The following KPNA4 variants were observed in gnomAD, a reference collection of about 807,000 sequenced individuals.
KPNA4 encodes karyopherin subunit alpha 4, also known as importin subunit alpha-3.
In KPNA4, 13 loss-of-function variants were observed where a neutral mutation model predicts 71.3. The observed-to-expected ratio is 0.18, with a 90% CI of 0.12 to 0.29. The LOEUF is 0.29. Ranked by LOEUF, KPNA4 falls within the 10% of genes least tolerant of loss-of-function variation. KPNA4 has a pLI of 1.00. For synonymous variants in KPNA4, 189 were observed against 195.2 expected (o/e 0.97, Z 0.26); for missense variants, 334 against 603.2 (o/e 0.55, Z 4.67).
rs943080085 is a variant in KPNA4 at position 160,521,781 on chromosome 3, G to C, written c.901C>G (p.Gln301Glu). The C allele has an allele frequency of 1.9e-6, 3 of 1,610,878 alleles. No homozygotes were observed. Among genetic ancestry groups the C allele is most frequent in the African/African-American group, 2.7e-5 (2 of 74,752 alleles). ...AATTTAACTAAGAACAAACTTACCT[G>C]AACTTTAACTTCCTGGTGGCTGAGC... ...PLLSHQEVKV[Q>E]TAALRAVGNI... The change falls in exon 11 of 17, where the codon CAG (glutamine) becomes GAG (glutamate). Residue 301 changes from glutamine (Q) to glutamate (E), a missense_variant and splice_region_variant. Gln to Glu is a conservative substitution (Grantham distance 29). Coordinates refer to ENST00000334256, the MANE Select transcript of KPNA4 (RefSeq NM_002268.5).
chr3:160,550,226 G>T (rs1021435305), intron 1 of KPNA4, among the ~76,000 whole-genome samples: 1 of 152,094 alleles, frequency 6.6e-6, no homozygotes, highest in African/African-American at 2.4e-5. Flanking sequence ...CTCTAGCTAG[G>T]GCTTCTAGTA....
At chr3:160,560,874 T>C (rs1490701897) in intron 1 of KPNA4, among the ~76,000 whole-genome samples, 1 of 152,076 alleles carries the variant, frequency 6.6e-6, no homozygotes, top group Non-Finnish European at 1.5e-5. Context: ...AATTAGACAG[T>C]AGTTATTTTA....
At chr3:160,534,675 C>T (rs1248793458) in intron 5 of KPNA4, among the ~76,000 whole-genome samples, 1 of 143,182 alleles carries the variant, frequency 7.0e-6, no homozygotes, top group Non-Finnish European at 1.5e-5. Flanking sequence ...TGAGATTGCG[C>T]CACTGGACTC....
At chr3:160,521,317 G>A (rs1472521223) in intron 11 of KPNA4, among the ~76,000 whole-genome samples, 1 of 152,140 alleles carries the variant, frequency 6.6e-6, no homozygotes, top group African/African-American at 2.4e-5. Context: ...TCAGTAATCC[G>A]GCCAGGCATG....
chr3:160,546,962 G>A (rs1372068253), intron 1 of KPNA4, among the ~76,000 whole-genome samples: 1 of 152,176 alleles, frequency 6.6e-6, no homozygotes, highest in Non-Finnish European at 1.5e-5. Flanking sequence ...AAGCCACACT[G>A]CAAAGCGATT....
chr3:160,506,713 T>TA (rs1014849137), intron 15 of KPNA4, among the ~76,000 whole-genome samples: 2 of 152,158 alleles, frequency 1.3e-5, no homozygotes, highest in East Asian at 1.9e-4. Flanking sequence ...GTTTACAAGT[T>TA]AAAAAAATCA....
chr3:160,540,268 G>C (rs1234353293), intron 1 of KPNA4, among the ~76,000 whole-genome samples: 54 of 151,854 alleles, frequency 3.6e-4, no homozygotes, highest in Non-Finnish European at 4.4e-5. Flanking sequence ...CAAAGTGCTG[G>C]GATTACAAGC....
chr3:160,535,723 A>G (rs1406258163), intron 3 of KPNA4, 33 bp from the exon 4 acceptor site: 4 of 1,573,072 alleles, frequency 2.5e-6, no homozygotes, highest in Non-Finnish European at 3.4e-6. Context: ...AACTCAGTTA[A>G]AAAGTCACCT....
intron 10 of KPNA4, among the ~76,000 whole-genome samples, chr3:160,524,251 A>C (rs1721418827): frequency 6.6e-6 from 1 of 152,240 alleles, no homozygotes; most frequent in Admixed American, 6.5e-5. Flanking sequence ...AACACAATCT[A>C]TCTCTAAATA....
At chr3:160,564,877 G>A (rs984361345) in intron 1 of KPNA4, among the ~76,000 whole-genome samples, 1 of 149,074 alleles carries the variant, frequency 6.7e-6, no homozygotes, top group Non-Finnish European at 1.5e-5. Context: ...CCCGGCCGGG[G>A]CAGCACCGGC....
intron 11 of KPNA4, among the ~76,000 whole-genome samples, chr3:160,520,944 T>C (rs1032703481): frequency 2.2e-4 from 33 of 152,218 alleles, no homozygotes; most frequent in Admixed American, 1.8e-3. Context: ...CTTATATCTC[T>C]GAGAACTTCT....
rs138895217 is a variant in KPNA4 at position 160,560,075 on chromosome 3, C to G, written c.69+5139G>C. Among the ~76,000 whole-genome samples the G allele has an allele frequency of 1.2e-3, 187 of 152,142 alleles. 1 individual carries two copies. The highest frequency in any genetic ancestry group is 3.7e-3 in the Admixed American group (56 of 15,286). ...AAAACCCTCTGAGAAAAAAAGAAAA[C>G]ATTTACTGAATACCTATTATACCCC... On this transcript the variant is annotated intron_variant, in intron 1 of 16. Coordinates refer to ENST00000334256, the MANE Select transcript of KPNA4 (RefSeq NM_002268.5).
At chr3:160,532,617 C>A (rs952609384) in intron 5 of KPNA4, among the ~76,000 whole-genome samples, 1 of 152,200 alleles carries the variant, frequency 6.6e-6, no homozygotes, top group Non-Finnish European at 1.5e-5. Flanking sequence ...CTGATAAGTC[C>A]TCAGTGTGGC....
chr3:160,516,180 T>C (rs1406137934), intron 11 of KPNA4, among the ~76,000 whole-genome samples: 1 of 150,960 alleles, frequency 6.6e-6, no homozygotes, highest in Non-Finnish European at 1.5e-5. Context: ...TTAGGAGAGA[T>C]GGGGTTTTGC....
At chr3:160,507,415 G>A (rs533155406) in intron 15 of KPNA4, among the ~76,000 whole-genome samples, 21 of 149,860 alleles carry the variant, frequency 1.4e-4, no homozygotes, top group Admixed American at 8.8e-4. Context: ...CAGAAGAATC[G>A]CTTGAACCTG....
intron 7 of KPNA4, among the ~76,000 whole-genome samples, chr3:160,528,471 T>C (rs1332558061): frequency 6.6e-6 from 1 of 152,206 alleles, no homozygotes; most frequent in Non-Finnish European, 1.5e-5. Flanking sequence ...GCTTCAGTGA[T>C]TCTCCTGCCT....
intron 1 of KPNA4, among the ~76,000 whole-genome samples, chr3:160,556,240 T>C (rs1008550749): frequency 1.3e-5 from 2 of 152,362 alleles, no homozygotes; most frequent in Admixed American, 6.5e-5. Context: ...TTATATCTAA[T>C]TAGTAGAACT....
chr3:160,555,725 A>G (rs991440175), intron 1 of KPNA4, among the ~76,000 whole-genome samples: 1 of 152,196 alleles, frequency 6.6e-6, no homozygotes, highest in Non-Finnish European at 1.5e-5. Context: ...TTCATTTTAT[A>G]GCGGAACAAT....
At chr3:160,522,517 G>A (rs1577051899) in intron 10 of KPNA4, among the ~76,000 whole-genome samples, 2 of 152,026 alleles carry the variant, frequency 1.3e-5, no homozygotes, top group Middle Eastern at 3.4e-3. Flanking sequence ...GAGTGCAGCA[G>A]CGCGATCTCG....
Sources: gnomAD v4.1 joint callset for allele counts (sites outside exome capture counted in the v4.1 genomes callset) on GRCh38, gnomAD v4.1.1 for gene constraint, MANE v1.5 for transcripts, NCBI Gene and HGNC (gene_info 2026-07-23, HGNC 2026-07-21) for gene names.